The following THSD7B variants were observed in gnomAD, a reference collection of about 807,000 sequenced individuals.
The protein encoded by THSD7B is thrombospondin type-1 domain-containing protein 7B.
Under a neutral mutation model 213.6 loss-of-function variants are expected in THSD7B, and 138 were observed. The observed-to-expected ratio is 0.65, with a 90% CI of 0.56 to 0.74. The LOEUF (loss-of-function observed/expected upper bound fraction) is 0.74. THSD7B is among the 30% of genes least tolerant of loss of function. The pLI, the probability that THSD7B is intolerant of heterozygous loss-of-function variation, is 0.00. For missense variants in THSD7B, 1,931 were observed against 1,991.5 expected (o/e 0.97, Z 0.58); for synonymous variants, 742 against 687.0 (o/e 1.08, Z -1.25).
chr2:137,541,369 T>C (rs1336717307), intron 15 of THSD7B, among the ~76,000 whole-genome samples: 2 of 151,674 alleles, frequency 1.3e-5, no homozygotes, highest in Non-Finnish European at 3.0e-5. Context: ...GAAGCTGGGA[T>C]GTTAGACTTA....
At chr2:136,839,045 T>C (rs1390594813) in intron 1 of THSD7B, among the ~76,000 whole-genome samples, 1 of 152,214 alleles carries the variant, frequency 6.6e-6, no homozygotes, top group Non-Finnish European at 1.5e-5. Context: ...TCCACTAACC[T>C]AGAAATGTTT....
At chr2:137,552,904 G>A (rs1046535797) in intron 15 of THSD7B, among the ~76,000 whole-genome samples, 4 of 152,158 alleles carry the variant, frequency 2.6e-5, no homozygotes, top group Admixed American at 2.6e-4. Context: ...AATGAGAAAA[G>A]AGAGAAAGCC....
chr2:137,601,710 G>T (rs563206230), intron 17 of THSD7B, among the ~76,000 whole-genome samples: 17 of 152,294 alleles, frequency 1.1e-4, no homozygotes, highest in African/African-American at 4.1e-4. Context: ...TGGGCATTTT[G>T]CATACATTAT....
At chr2:137,072,928 C>G (rs1041570264) in intron 3 of THSD7B, among the ~76,000 whole-genome samples, 1 of 152,136 alleles carries the variant, frequency 6.6e-6, no homozygotes, top group Middle Eastern at 3.2e-3. Flanking sequence ...GTATGTTGAA[C>G]CAGCCTTGCA....
At chr2:137,181,787 T>C (rs1324320005) in intron 7 of THSD7B, among the ~76,000 whole-genome samples, 2 of 152,152 alleles carry the variant, frequency 1.3e-5, no homozygotes, top group East Asian at 3.8e-4. Flanking sequence ...GCAAACAAAA[T>C]GGACCACATA....
At chr2:137,434,374 T>C (rs538118264) in intron 14 of THSD7B, among the ~76,000 whole-genome samples, 251 of 152,344 alleles carry the variant, frequency 1.6e-3, no homozygotes, top group African/African-American at 5.8e-3. Context: ...CCATTTCTTC[T>C]TTCTTGAAAT....
intron 12 of THSD7B, among the ~76,000 whole-genome samples, chr2:137,377,022 T>C (rs928222245): frequency 3.9e-5 from 6 of 152,228 alleles, no homozygotes; most frequent in Admixed American, 6.5e-5. Context: ...TTTTATAACA[T>C]GGTAAGAAAT....
intron 1 of THSD7B, among the ~76,000 whole-genome samples, chr2:136,802,654 TA>T (rs1682209218): frequency 1.0e-5 from 1 of 98,072 alleles, no homozygotes; most frequent in South Asian, 3.2e-4. Context: ...TATATATATA[TA>T]TATATATATA....
chr2:137,127,593 T>C (rs914618404), intron 5 of THSD7B, among the ~76,000 whole-genome samples: 3 of 152,188 alleles, frequency 2.0e-5, no homozygotes, highest in Non-Finnish European at 4.4e-5. Flanking sequence ...TTACTTTTAA[T>C]AGTGTGAATA....
intron 2 of THSD7B, among the ~76,000 whole-genome samples, chr2:137,023,368 T>A (rs947212355): frequency 3.9e-5 from 6 of 152,158 alleles, no homozygotes; most frequent in African/African-American, 1.4e-4. Context: ...CCAGGGTTTC[T>A]CTTTGCTTCC....
At chr2:137,507,705 TC>T (rs1321097652) in intron 15 of THSD7B, among the ~76,000 whole-genome samples, 4 of 152,180 alleles carry the variant, frequency 2.6e-5, no homozygotes, top group Non-Finnish European at 4.4e-5. Context: ...TCTTTTTCTT[TC>T]TCCTTTTTTC....
At chr2:137,613,744 G>A (rs1682329993) in intron 17 of THSD7B, among the ~76,000 whole-genome samples, 1 of 151,922 alleles carries the variant, frequency 6.6e-6, no homozygotes. Flanking sequence ...TGTATTTGAG[G>A]AGTCTTGATC....
chr2:137,151,223 A>C (rs1679812939), intron 5 of THSD7B, among the ~76,000 whole-genome samples: 1 of 152,200 alleles, frequency 6.6e-6, no homozygotes. Context: ...TTGTTATTAC[A>C]CTTAGCTTAA....
chr2:137,472,008 G>A (rs370233295), intron 15 of THSD7B, among the ~76,000 whole-genome samples: 1 of 152,134 alleles, frequency 6.6e-6, no homozygotes, highest in Non-Finnish European at 1.5e-5. Flanking sequence ...AGTGGAAAGG[G>A]CTTAGTTCTT....
chr2:137,412,536 G>A (rs1197368067), intron 14 of THSD7B, among the ~76,000 whole-genome samples: 5 of 139,948 alleles, frequency 3.6e-5, no homozygotes, highest in African/African-American at 1.3e-4. Flanking sequence ...GGCAGAGGTT[G>A]CAGTGAGCCC....
intron 2 of THSD7B, among the ~76,000 whole-genome samples, chr2:136,939,784 A>G (rs932048876): frequency 2.0e-5 from 3 of 152,132 alleles, no homozygotes; most frequent in Non-Finnish European, 2.9e-5. Flanking sequence ...TCTGTCATCC[A>G]TCTTGTCAGT....
intron 20 of THSD7B, among the ~76,000 whole-genome samples, chr2:137,641,615 AAG>A (rs1682938880): frequency 6.6e-6 from 1 of 152,214 alleles, no homozygotes. Context: ...GTACAAGAGA[AAG>A]AGAGAAGCAC....
intron 15 of THSD7B, among the ~76,000 whole-genome samples, chr2:137,557,476 AT>A (rs1308877730): frequency 1.3e-5 from 2 of 152,210 alleles, no homozygotes; most frequent in Non-Finnish European, 2.9e-5. Context: ...TGGGTACATA[AT>A]GAAATGAAGG....
chr2:137,673,411 A>G (rs1011595790), intron 27 of THSD7B, among the ~76,000 whole-genome samples: 3 of 152,140 alleles, frequency 2.0e-5, no homozygotes, highest in Admixed American at 6.6e-5. Context: ...GAGAGAATAG[A>G]GTGATGGATT....
Sources: allele counts gnomAD v4.1 joint callset (sites outside exome capture counted in the v4.1 genomes callset), GRCh38; gene constraint gnomAD v4.1.1; transcripts MANE v1.5; gene names NCBI Gene and HGNC (gene_info 2026-07-23, HGNC 2026-07-21).